The following RAB38 variants were observed in gnomAD, a reference collection of about 807,000 sequenced individuals.
The protein encoded by RAB38 is RAB38, member RAS oncogene family, also known as ras-related protein Rab-38.
Under a neutral mutation model 18.4 loss-of-function variants are expected in RAB38, and 15 were observed. That is an observed-to-expected ratio of 0.82 (90% CI 0.55 to 1.26). RAB38 has a LOEUF of 1.26. Among genes scored for constraint, RAB38 ranks in the 50% most tolerant of loss-of-function variants. The pLI is 0.00. For synonymous variants in RAB38, 101 were observed against 104.4 expected, an observed-to-expected ratio of 0.97 and a Z score of 0.20; for missense variants, 294 against 267.4, an observed-to-expected ratio of 1.10 and a Z score of -0.69.
the RAB38 span, among the ~76,000 whole-genome samples, chr11:87,977,782 ATCATAGT>A: frequency 1.8e-5 from 2 of 110,132 alleles, no homozygotes; most frequent in Non-Finnish European, 3.4e-5. Context: ...TATATATTAT[ATCATAGT>A]TATATATATT....
the RAB38 span, among the ~76,000 whole-genome samples, chr11:87,942,122 G>A: frequency 2.2e-4 from 34 of 152,126 alleles, no homozygotes; most frequent in Non-Finnish European, 3.2e-4. Flanking sequence ...ATTTTCTGAT[G>A]GTTTTGCTCA....
At chr11:87,893,920 T>C in the RAB38 span, among the ~76,000 whole-genome samples, 1 of 151,708 alleles carries the variant, frequency 6.6e-6, no homozygotes, top group Non-Finnish European at 1.5e-5. Flanking sequence ...TCCATATGAA[T>C]CTTAGGATTT....
chr11:87,954,422 C>CTAAT, the RAB38 span, among the ~76,000 whole-genome samples: 5 of 152,054 alleles, frequency 3.3e-5, no homozygotes. Context: ...ATAAAGGTGA[C>CTAAT]TAATTGGTCT....
chr11:87,850,943 T>C, the RAB38 span, among the ~76,000 whole-genome samples: 1 of 152,180 alleles, frequency 6.6e-6, no homozygotes, highest in Non-Finnish European at 1.5e-5. Context: ...TTTATCAGTA[T>C]TGTAAAATTC....
At chr11:88,130,997 C>T (rs1205281006) in intron 2 of RAB38, among the ~76,000 whole-genome samples, 2 of 151,582 alleles carry the variant, frequency 1.3e-5, no homozygotes, top group South Asian at 2.1e-4. Flanking sequence ...ATGTCCATTC[C>T]CTTTGATCTA....
the RAB38 span, among the ~76,000 whole-genome samples, chr11:88,026,901 C>A: frequency 6.6e-6 from 1 of 152,098 alleles, no homozygotes; most frequent in South Asian, 2.1e-4. Flanking sequence ...GATAACAAAG[C>A]TGGCAAATCT....
chr11:88,164,052 T>A (rs1943218386), intron 1 of RAB38, among the ~76,000 whole-genome samples: 1 of 152,110 alleles, frequency 6.6e-6, no homozygotes, highest in African/African-American at 2.4e-5. Context: ...CAACCTAAAA[T>A]ACCTCTGAAC....
chr11:87,852,913 T>C, the RAB38 span, among the ~76,000 whole-genome samples: 4 of 151,880 alleles, frequency 2.6e-5, no homozygotes, highest in African/African-American at 9.7e-5. Flanking sequence ...ATCTTGACAC[T>C]AGCTGAAACC....
the RAB38 span, among the ~76,000 whole-genome samples, chr11:87,935,088 T>C: frequency 1.3e-5 from 2 of 152,004 alleles, no homozygotes; most frequent in Non-Finnish European, 2.9e-5. Context: ...TCCAGTCTCC[T>C]TCAAGGGGAC....
the RAB38 span, among the ~76,000 whole-genome samples, chr11:88,103,137 G>A: frequency 6.6e-6 from 1 of 152,012 alleles, no homozygotes; most frequent in East Asian, 1.9e-4. Flanking sequence ...TAGTGGCTCT[G>A]TTGTTTAATT....
At chr11:87,882,035 G>T in the RAB38 span, among the ~76,000 whole-genome samples, 1 of 151,746 alleles carries the variant, frequency 6.6e-6, no homozygotes, top group Non-Finnish European at 1.5e-5. Context: ...CACAGTTATT[G>T]TCAGAAGCTG....
chr11:87,977,763 T>C, the RAB38 span, among the ~76,000 whole-genome samples: 6 of 108,828 alleles, frequency 5.5e-5, no homozygotes, highest in Admixed American at 4.8e-4. Flanking sequence ...ATATATATTA[T>C]ATTATAGTTA....
chr11:87,805,240 TTG>T, the RAB38 span, among the ~76,000 whole-genome samples: 15 of 152,176 alleles, frequency 9.9e-5, no homozygotes, highest in Non-Finnish European at 2.2e-4. Context: ...TCCTTTTCTT[TTG>T]TTCTTACTTC....
At chr11:88,032,247 T>A in the RAB38 span, among the ~76,000 whole-genome samples, 1 of 152,334 alleles carries the variant, frequency 6.6e-6, no homozygotes, top group Non-Finnish European at 1.5e-5. Flanking sequence ...GATGAAAGAC[T>A]TAAATGTTAG....
chr11:88,046,004 C>T, the RAB38 span, among the ~76,000 whole-genome samples: 2 of 152,110 alleles, frequency 1.3e-5, no homozygotes, highest in African/African-American at 4.8e-5. Flanking sequence ...TACAGCCACA[C>T]CTCACTGCCA....
At chr11:87,869,861 A>G in the RAB38 span, among the ~76,000 whole-genome samples, 1 of 151,812 alleles carries the variant, frequency 6.6e-6, no homozygotes, top group African/African-American at 2.4e-5. Context: ...ACAAAAGGGT[A>G]TGCCTGTTGC....
chr11:87,856,994 C>T, the RAB38 span, among the ~76,000 whole-genome samples: 1 of 152,030 alleles, frequency 6.6e-6, no homozygotes, highest in African/African-American at 2.4e-5. Context: ...GGTATATCTC[C>T]TAATGCTATC....
chr11:88,006,891 G>C, the RAB38 span, among the ~76,000 whole-genome samples: 2 of 151,054 alleles, frequency 1.3e-5, no homozygotes, highest in Admixed American at 6.6e-5. Context: ...TTGGTCAATG[G>C]GTACAAAGCT....
At chr11:87,898,707 GA>G in the RAB38 span, among the ~76,000 whole-genome samples, 4,130 of 151,766 alleles carry the variant, frequency 0.027, 267 homozygotes, top group Admixed American at 0.16. Flanking sequence ...ATTGAGATGG[GA>G]ATGGGGAAGA....
Sources: gnomAD v4.1 joint callset for allele counts (sites outside exome capture counted in the v4.1 genomes callset) on GRCh38, gnomAD v4.1.1 for gene constraint, MANE v1.5 for transcripts, NCBI Gene and HGNC (gene_info 2026-07-23, HGNC 2026-07-21) for gene names.